Variants in ADGRG7 observed in about 807,000 individuals in gnomAD.
ADGRG7 encodes the protein G-protein coupled receptor 128.
ADGRG7 carries 82 observed loss-of-function variants against 88.6 expected under a neutral mutation model. The ratio of observed to expected loss-of-function variants is 0.93; its 90% CI spans 0.77 to 1.11. ADGRG7 has a LOEUF of 1.11. Ranked by LOEUF, ADGRG7 falls within the 50% of genes most tolerant of loss-of-function variation. The pLI is 0.00. For synonymous variants in ADGRG7, 381 were observed against 345.2 expected (o/e 1.10, Z -1.15); for missense variants, 945 against 953.4 (o/e 0.99, Z 0.12).
intron 1 of ADGRG7, among the ~76,000 whole-genome samples, chr3:100,618,840 T>C (rs1707264814): frequency 6.6e-6 from 1 of 152,226 alleles, no homozygotes; most frequent in African/African-American, 2.4e-5. Context: ...TGATTCTTCC[T>C]ACCCATGAGC....
chr3:100,632,277 C>A (rs959753908), intron 3 of ADGRG7, among the ~76,000 whole-genome samples: 2 of 151,936 alleles, frequency 1.3e-5, no homozygotes, highest in Non-Finnish European at 2.9e-5. Context: ...TTCTGAACAC[C>A]TATTATAAAA....
chr3:100,647,908 A>G (rs1707782303), intron 10 of ADGRG7, among the ~76,000 whole-genome samples: 1 of 152,214 alleles, frequency 6.6e-6, no homozygotes, highest in Non-Finnish European at 1.5e-5. Flanking sequence ...ATACTGGTAT[A>G]GCTTGCATTA....
chr3:100,615,802 C>A (rs895384301), intron 1 of ADGRG7, among the ~76,000 whole-genome samples: 1 of 152,142 alleles, frequency 6.6e-6, no homozygotes, highest in African/African-American at 2.4e-5. Flanking sequence ...TGAGGGGCAG[C>A]AAGCACTGGT....
rs770082383 is a variant in ADGRG7, at chr3:100,668,973, G to A, written c.2004G>A (p.Lys668=). The A allele has an allele frequency of 8.1e-6, 13 of 1,596,888 alleles. No homozygotes were observed. The highest frequency in any genetic ancestry group is 3.8e-4 in the Middle Eastern group (2 of 5,276). ...GCACAAAAAAAGTTTCATCCATGAAGAAGATTGTTAGCACATTATCTGTTG... is the reference window on the plus strand; with the variant it reads ...GCACAAAAAAAGTTTCATCCATGAAAAAGATTGTTAGCACATTATCTGTTG... ...LTSTKKVSSM[K]KIVSTLSVAV... is the part of the protein sequence containing the mutation. Residue 668 remains lysine (K), a synonymous_variant, in exon 15 of 16, where the codon AAG becomes AAA. Coordinates refer to ENST00000273352, the MANE Select transcript of ADGRG7 (RefSeq NM_032787.3).
intron 6 of ADGRG7, 132 bp downstream of exon 6, chr3:100,637,534 A>G: frequency 1.5e-6 from 1 of 654,518 alleles, no homozygotes; most frequent in Non-Finnish European, 2.7e-6. Context: ...GAATGTAGAT[A>G]AGAGCTGTGA....
chr3:100,635,841 G>A lies in ADGRG7; in HGVS notation c.597+15G>A. 4 of 1,588,654 alleles carry A rather than the reference G, an allele frequency of 2.5e-6. No individual in the cohort carries two copies. Among genetic ancestry groups the A allele is most frequent in the East Asian group, 2.3e-5 (1 of 44,408 alleles). On this transcript the variant is annotated intron_variant, in intron 5 of 15. Coordinates refer to ENST00000273352, the MANE Select transcript of ADGRG7 (RefSeq NM_032787.3). ...CTTCACCTGAGGTAAAACTCACAGAGCTTTAAAAAAAATTTTTTTTTTATT... is the reference window on the plus strand; with the variant it reads ...CTTCACCTGAGGTAAAACTCACAGAACTTTAAAAAAAATTTTTTTTTTATT...
At chr3:100,669,127 A>C in intron 15 of ADGRG7, 22 bp downstream of exon 15, 1 of 1,487,748 alleles carries the variant, frequency 6.7e-7, no homozygotes, top group South Asian at 1.5e-5. Context: ...ATTAGTCTGA[A>C]AGTAGCAGAA....
chr3:100,671,985 A>G (rs1031099664), intron 15 of ADGRG7, among the ~76,000 whole-genome samples: 2 of 152,210 alleles, frequency 1.3e-5, no homozygotes, highest in African/African-American at 2.4e-5. Context: ...GAAGTCAGGT[A>G]GCGTGATGCC....
chr3:100,650,856 ATGG>A (rs2094928268), intron 11 of ADGRG7, among the ~76,000 whole-genome samples: 1 of 152,164 alleles, frequency 6.6e-6, no homozygotes, highest in South Asian at 2.1e-4. Context: ...TGGTTGAAAA[ATGG>A]TGATTTTTCT....
intron 1 of ADGRG7, among the ~76,000 whole-genome samples, chr3:100,618,372 C>A (rs1707256940): frequency 6.6e-6 from 1 of 152,148 alleles, no homozygotes; most frequent in Non-Finnish European, 1.5e-5. Flanking sequence ...AGTATTTAAT[C>A]CATCTTGAAT....
At chr3:100,637,936 T>C (rs1222361898) in intron 6 of ADGRG7, among the ~76,000 whole-genome samples, 1 of 152,224 alleles carries the variant, frequency 6.6e-6, no homozygotes, top group Non-Finnish European at 1.5e-5. Context: ...GGAGGGAATG[T>C]GTAGATGAGC....
chr3:100,648,284 TA>T (rs1707789936), intron 10 of ADGRG7, among the ~76,000 whole-genome samples: 3 of 148,548 alleles, frequency 2.0e-5, no homozygotes, highest in African/African-American at 7.4e-5. Flanking sequence ...TGGTTTGCAT[TA>T]TTTTTTTAAA....
In ADGRG7 at chr3:100,669,488, C is replaced by G. The variant is rs190644157; in HGVS notation, c.2136+383C>G. On this transcript the variant is annotated intron_variant, in intron 15 of 15. Transcript: ENST00000273352. ...GGCGGAGCTTGCAGTGAGCTGAGAT[C>G]GCGCCACCGCACTCCAGCCTGGGCG... is the stretch of plus-strand genomic sequence containing the variant. Among the ~76,000 whole-genome samples, 484 of 127,528 alleles carry G rather than the reference C, an allele frequency of 3.8e-3. 5 individuals are homozygous for G. The highest frequency in any genetic ancestry group is 6.1e-3 in the Middle Eastern group (1 of 164). 83.7% of individuals were successfully genotyped at this position (127,528 alleles called of 152,430 possible).
chr3:100,644,920 T>A (rs1051453678), intron 8 of ADGRG7, among the ~76,000 whole-genome samples: 1 of 152,180 alleles, frequency 6.6e-6, no homozygotes, highest in African/African-American at 2.4e-5. Flanking sequence ...AGAAACAATT[T>A]GGTGATGTCA....
chr3:100,695,204 A>G lies in ADGRG7; in HGVS notation c.*203A>G, dbSNP rs1160611837. 5.3e-6 allele frequency: 3 copies of G among 561,994 alleles called. No individual in the cohort carries two copies. The highest frequency in any genetic ancestry group is 9.3e-6 in the Non-Finnish European group (3 of 323,142). The allele number at this position is 561,994 out of a possible 1,614,324, so 34.8% of individuals were successfully genotyped here. A position where few individuals can be genotyped will look rare whatever the true frequency, so the allele number is the denominator to read the frequency against. ...TATTTTTCAATAGATTTGTACTTGA[A>G]TAAGGTGAAGAATTTCACACAACAT... On this transcript the variant is annotated 3_prime_UTR_variant, in exon 16 of 16. Transcript: ENST00000273352.
At chr3:100,630,999 C>T (rs541408492) in intron 3 of ADGRG7, among the ~76,000 whole-genome samples, 190 bp downstream of exon 3, 6 of 152,262 alleles carry the variant, frequency 3.9e-5, no homozygotes, top group South Asian at 4.1e-4. Flanking sequence ...AATTTCCCAA[C>T]AGTTTCATAT....
chr3:100,681,207 G>GT (rs1042420744), intron 15 of ADGRG7, among the ~76,000 whole-genome samples: 47 of 146,208 alleles, frequency 3.2e-4, no homozygotes, highest in East Asian at 3.0e-3. Context: ...CTTTGGAGAG[G>GT]TTTTTTTTTT....
intron 1 of ADGRG7, among the ~76,000 whole-genome samples, chr3:100,620,906 T>A (rs952507883): frequency 3.3e-5 from 5 of 152,046 alleles, no homozygotes; most frequent in Non-Finnish European, 7.4e-5. Context: ...ATTTTTCCAA[T>A]AACATGTGCT....
intron 6 of ADGRG7, among the ~76,000 whole-genome samples, chr3:100,641,317 C>A (rs1318771186): frequency 1.3e-5 from 2 of 151,088 alleles, no homozygotes; most frequent in Non-Finnish European, 2.9e-5. Flanking sequence ...CTATATAAGG[C>A]TTATAGTAAT....
Sources: gnomAD v4.1 joint callset for allele counts (sites outside exome capture counted in the v4.1 genomes callset) on GRCh38, gnomAD v4.1.1 for gene constraint, MANE v1.5 for transcripts, NCBI Gene and HGNC (gene_info 2026-07-23, HGNC 2026-07-21) for gene names.